Variants in GPR141 observed in about 807,000 individuals in gnomAD.
GPR141 encodes G protein-coupled receptor 141.
A neutral mutation model predicts 6.8 loss-of-function variants in GPR141; 6 were observed. The observed-to-expected ratio is 0.88, with a 90% CI of 0.48 to 1.74. The LOEUF (loss-of-function observed/expected upper bound fraction) is 1.74. Ranked by LOEUF, GPR141 falls within the 40% of genes most tolerant of loss-of-function variation. The probability of loss-of-function intolerance (pLI) is 0.01; values close to 1 mark genes in which losing one functional copy is unlikely to be tolerated. For synonymous variants in GPR141, 140 were observed against 142.3 expected, an observed-to-expected ratio of 0.98 and a Z score of 0.11; for missense variants, 372 against 372.9, an observed-to-expected ratio of 1.00 and a Z score of 0.02.
intron 2 of GPR141, among the ~76,000 whole-genome samples, chr7:37,692,361 G>A (rs770824411): frequency 2.0e-5 from 3 of 152,184 alleles, no homozygotes; most frequent in African/African-American, 7.2e-5. Context: ...ATTCCATGGT[G>A]TATATGTGCC....
Position 37,701,860 on chromosome 7 carries a change from C to T in GPR141, c.-15+16277C>T, listed in dbSNP as rs960933959. On this transcript the variant is annotated intron_variant, in intron 2 of 2. Transcript: ENST00000334425. ...TTCAGGTTAGGATTCAGCAGCTGCT[C>T]GAAAATCATTAGGTAAATGTTTATT... 3.3e-5 allele frequency among the ~76,000 whole-genome samples: 5 copies of T among 152,144 alleles called. No homozygotes were observed. The East Asian group carries it at 7.7e-4, about 23-fold the overall frequency.
chr7:37,708,602 A>C (rs1029326050), intron 2 of GPR141, among the ~76,000 whole-genome samples: 1 of 152,138 alleles, frequency 6.6e-6, no homozygotes, highest in Non-Finnish European at 1.5e-5. Context: ...CTCTGGGAAG[A>C]GGCACATAAC....
chr7:37,718,628 T>C (rs1456016689), intron 2 of GPR141, among the ~76,000 whole-genome samples: 1 of 152,236 alleles, frequency 6.6e-6, no homozygotes, highest in African/African-American at 2.4e-5. Flanking sequence ...TTTCTGCTGA[T>C]GAGCTTGATT....
chr7:37,733,034 T>C (rs1005723904), intron 2 of GPR141, among the ~76,000 whole-genome samples: 1 of 152,090 alleles, frequency 6.6e-6, no homozygotes, highest in African/African-American at 2.4e-5. Context: ...GCCAGGGAGC[T>C]GGTGGGGAGT....
chr7:37,690,906 A>G (rs1809730466), intron 2 of GPR141, among the ~76,000 whole-genome samples: 1 of 152,200 alleles, frequency 6.6e-6, no homozygotes, highest in Non-Finnish European at 1.5e-5. Flanking sequence ...TGCTGAGAAC[A>G]AAGTGTTGAA....
At chr7:37,710,726 T>C (rs1387841108) in intron 2 of GPR141, among the ~76,000 whole-genome samples, 1 of 152,224 alleles carries the variant, frequency 6.6e-6, no homozygotes, top group African/African-American at 2.4e-5. Context: ...GGGACGCTTA[T>C]TGCAACTCTG....
In GPR141 at chr7:37,684,978, G is replaced by A. The variant is rs564014634; in HGVS notation, c.-138-482G>A. ...TATTGTCTAAGGATTCCAGACCAGG[G>A]GTTGGCAAACTTTTTCTACAAAAGC... On this transcript the variant is annotated intron_variant, in intron 1 of 2. Transcript: ENST00000334425. Among the ~76,000 whole-genome samples the A allele has an allele frequency of 3.3e-5, 5 of 152,254 alleles. No individual in the cohort carries two copies. The South Asian group carries it at 1.0e-3, about 32-fold the overall frequency.
At chr7:37,689,226 C>G (rs1809650394) in intron 2 of GPR141, among the ~76,000 whole-genome samples, 1 of 152,090 alleles carries the variant, frequency 6.6e-6, no homozygotes, top group Non-Finnish European at 1.5e-5. Context: ...ATCCTTCTAT[C>G]CTTAGGATAA....
intron 2 of GPR141, among the ~76,000 whole-genome samples, chr7:37,721,382 A>G (rs1037887436): frequency 1.3e-5 from 2 of 152,224 alleles, no homozygotes; most frequent in African/African-American, 2.4e-5. Flanking sequence ...TTATCAATAC[A>G]TTATGCTACA....
chr7:37,690,385 C>T (rs976346873), intron 2 of GPR141, among the ~76,000 whole-genome samples: 1 of 152,066 alleles, frequency 6.6e-6, no homozygotes, highest in South Asian at 2.1e-4. Context: ...AGAGGGTTTT[C>T]GCAAGATCCA....
intron 2 of GPR141, among the ~76,000 whole-genome samples, chr7:37,702,440 C>T (rs1583533231): frequency 1.3e-5 from 2 of 148,276 alleles, no homozygotes; most frequent in East Asian, 2.0e-4. Flanking sequence ...GTTTTTTTAC[C>T]TTTACTAGTT....
intron 2 of GPR141, among the ~76,000 whole-genome samples, chr7:37,724,554 T>C (rs934342130): frequency 6.6e-6 from 1 of 152,250 alleles, no homozygotes; most frequent in African/African-American, 2.4e-5. Context: ...TTAGCTACAC[T>C]GAGCTCGTCC....
chr7:37,696,286 T>A, intron 2 of GPR141, among the ~76,000 whole-genome samples: 1 of 152,210 alleles, frequency 6.6e-6, no homozygotes, highest in East Asian at 1.9e-4. Flanking sequence ...TAAGCTATGA[T>A]GTTTGGTAGG....
intron 1 of GPR141, among the ~76,000 whole-genome samples, chr7:37,684,301 A>C (rs940898603): frequency 6.6e-6 from 1 of 152,186 alleles, no homozygotes; most frequent in Non-Finnish European, 1.5e-5. Context: ...CTATTACTGC[A>C]TTATTTTCAG....
chr7:37,697,611 G>C (rs941328559), intron 2 of GPR141, among the ~76,000 whole-genome samples: 3 of 152,176 alleles, frequency 2.0e-5, no homozygotes, highest in African/African-American at 7.2e-5. Flanking sequence ...ATCAGTGAAG[G>C]TGGCGAGATC....
intron 2 of GPR141, among the ~76,000 whole-genome samples, chr7:37,709,003 A>G (rs1013401203): frequency 2.6e-5 from 4 of 152,192 alleles, no homozygotes; most frequent in Admixed American, 2.0e-4. Flanking sequence ...GAGTAAAATT[A>G]TATATATATC....
At chr7:37,696,759 A>C (rs1810033688) in intron 2 of GPR141, among the ~76,000 whole-genome samples, 1 of 152,056 alleles carries the variant, frequency 6.6e-6, no homozygotes, top group South Asian at 2.1e-4. Context: ...CCTTGCTTAA[A>C]ATTTTGGCAT....
At chr7:37,720,968 A>C (rs767358677) in intron 2 of GPR141, among the ~76,000 whole-genome samples, 11 of 152,220 alleles carry the variant, frequency 7.2e-5, no homozygotes, top group Non-Finnish European at 1.6e-4. Context: ...CAATACCCTG[A>C]TAATTGGTCA....
intron 2 of GPR141, among the ~76,000 whole-genome samples, chr7:37,730,617 C>G (rs1470955784): frequency 1.3e-5 from 2 of 152,196 alleles, no homozygotes; most frequent in African/African-American, 4.8e-5. Context: ...GTTTTTGTGA[C>G]TGCAGGTGCT....
Sources: gnomAD v4.1 joint callset for allele counts (sites outside exome capture counted in the v4.1 genomes callset) on GRCh38, gnomAD v4.1.1 for gene constraint, MANE v1.5 for transcripts, NCBI Gene and HGNC (gene_info 2026-07-23, HGNC 2026-07-21) for gene names.